The following SIK2 variants were observed in gnomAD, a reference collection of about 807,000 sequenced individuals.
The protein encoded by SIK2 is salt inducible kinase 2, also known as serine/threonine-protein kinase SIK2.
Under a neutral mutation model 103.2 loss-of-function variants are expected in SIK2, and 29 were observed. The ratio of observed to expected loss-of-function variants is 0.28; its 90% CI spans 0.21 to 0.38. The LOEUF is 0.38. Ranked by LOEUF, SIK2 falls within the 10% of genes least tolerant of loss-of-function variation. SIK2 has a pLI of 1.00. For synonymous variants in SIK2, 412 were observed against 446.1 expected, an observed-to-expected ratio of 0.92 and a Z score of 0.96; for missense variants, 879 against 1,171.0, an observed-to-expected ratio of 0.75 and a Z score of 3.64.
intron 3 of SIK2, among the ~76,000 whole-genome samples, chr11:111,667,267 A>G (rs1036976604): frequency 1.3e-5 from 2 of 151,924 alleles, no homozygotes; most frequent in Non-Finnish European, 2.9e-5. Context: ...ATTTGAGAGA[A>G]CAGGAGCATT....
intron 3 of SIK2, among the ~76,000 whole-genome samples, chr11:111,640,842 C>T (rs1211584581): frequency 5.7e-5 from 8 of 139,218 alleles, no homozygotes; most frequent in African/African-American, 2.1e-4. Flanking sequence ...TCACGCCATT[C>T]TTCTGCCTCA....
chr11:111,633,795 C>T (rs1942069467), intron 3 of SIK2, among the ~76,000 whole-genome samples: 1 of 152,148 alleles, frequency 6.6e-6, no homozygotes, highest in Non-Finnish European at 1.5e-5. Flanking sequence ...TGGTGCTCAT[C>T]TCTGAAGGAT....
rs117703824 is a variant in SIK2, at chr11:111,683,844, T to C, written c.317-4157T>C. Among the ~76,000 whole-genome samples the C allele has an allele frequency of 8.2e-3, 1,249 of 152,314 alleles. 11 individuals carry two copies. Among genetic ancestry groups the C allele is most frequent in the Middle Eastern group, 0.065 (19 of 294 alleles). On this transcript the variant is annotated intron_variant, in intron 3 of 14. Transcript: ENST00000304987. ...TAACTTGAGCTTGGATTGTGTTCCT[T>C]GAAGGGGTTGATGTATGCCTAAACA...
intron 3 of SIK2, among the ~76,000 whole-genome samples, chr11:111,658,500 T>C (rs1309571431): frequency 6.6e-6 from 1 of 152,084 alleles, no homozygotes; most frequent in African/African-American, 2.4e-5. Context: ...CCCAGCACTT[T>C]GGGAGGCCGA....
intron 3 of SIK2, among the ~76,000 whole-genome samples, chr11:111,627,609 G>A (rs1320802944): frequency 6.6e-6 from 1 of 152,058 alleles, no homozygotes; most frequent in Non-Finnish European, 1.5e-5. Context: ...AGCCCAAAAT[G>A]TTTTAAACCA....
At chr11:111,657,707 T>A (rs1455579730) in intron 3 of SIK2, among the ~76,000 whole-genome samples, 2 of 152,110 alleles carry the variant, frequency 1.3e-5, no homozygotes, top group Non-Finnish European at 2.9e-5. Context: ...AGTAATAGAT[T>A]TTTATTTCTA....
At chr11:111,663,161 T>C (rs1381767942) in intron 3 of SIK2, among the ~76,000 whole-genome samples, 1 of 149,110 alleles carries the variant, frequency 6.7e-6, no homozygotes, top group Admixed American at 6.7e-5. Context: ...CTGAGTCCGG[T>C]AGTCTAGGCT....
chr11:111,700,913 G>A lies in SIK2; in HGVS notation c.506G>A (p.Ser169Asn). 6.2e-7 allele frequency: 1 copy of A among 1,613,990 alleles called. No homozygotes were observed. The highest frequency in any genetic ancestry group is 8.5e-7 in the Non-Finnish European group (1 of 1,179,922). Residue 169 changes from serine (S) to asparagine (N), a missense_variant, in exon 5 of 15, where the codon AGT (serine) becomes AAT (asparagine). This residue lies in a region of SIK2 where 126 missense variants were observed against 245.5 expected (regional missense o/e 0.51). Coordinates refer to ENST00000304987, the MANE Select transcript of SIK2 (RefSeq NM_015191.3). ...TTCGGTTTTGGAAATTTCTTTAAAA[G>A]TGGTGAACTGCTGGCAACATGGTGT... is the stretch of plus-strand genomic sequence containing the variant. ...ADFGFGNFFK[S>N]GELLATWCGS... is the part of the protein sequence containing the mutation.
intron 3 of SIK2, chr11:111,672,146 C>T: frequency 2.3e-6 from 1 of 443,836 alleles, no homozygotes; most frequent in Non-Finnish European, 4.3e-6. Flanking sequence ...TTGGGGTCCA[C>T]TTCCAGCTTA....
At chr11:111,649,933 C>T (rs1055696134) in intron 3 of SIK2, among the ~76,000 whole-genome samples, 1 of 152,008 alleles carries the variant, frequency 6.6e-6, no homozygotes, top group Non-Finnish European at 1.5e-5. Context: ...AGAAGTTGAC[C>T]TAGGGAATAA....
At position 111,727,347 on chromosome 11, in the gene SIK2, G is replaced by A. The variant is rs1159416020; in HGVS notation, c.*3218G>A. On this transcript the variant is annotated 3_prime_UTR_variant, in exon 15 of 15. Coordinates refer to ENST00000304987, the MANE Select transcript of SIK2 (RefSeq NM_015191.3). Reference sequence around the variant, plus strand: ...ACTTTTGCCTCCTAGGAAAGAAAAAGTCAGTGGCCCTTTCTTCCTCAGATA... The same window carrying A: ...ACTTTTGCCTCCTAGGAAAGAAAAAATCAGTGGCCCTTTCTTCCTCAGATA... 1 of 459,942 alleles carries A rather than the reference G, an allele frequency of 2.2e-6. No individual in the cohort carries two copies. The highest frequency in any genetic ancestry group is 3.9e-6 in the Non-Finnish European group (1 of 256,312). The allele number at this position is 459,942 out of a possible 1,614,324, so 28.5% of individuals were successfully genotyped here. A position where few individuals can be genotyped will look rare whatever the true frequency, so the allele number is the denominator to read the frequency against.
chr11:111,666,646 G>C (rs185497929), intron 3 of SIK2, among the ~76,000 whole-genome samples: 196 of 152,096 alleles, frequency 1.3e-3, no homozygotes, highest in Admixed American at 8.3e-3. Flanking sequence ...TTTTTCTTCA[G>C]TTTTAGGAAA....
intron 3 of SIK2, among the ~76,000 whole-genome samples, chr11:111,681,716 G>A (rs1942780306): frequency 6.6e-6 from 1 of 151,872 alleles, no homozygotes; most frequent in Non-Finnish European, 1.5e-5. Context: ...AACTCTAGTT[G>A]ACAAGAAAAA....
Position 111,722,810 on chromosome 11 carries a change from A to G in SIK2, c.2147+54A>G. The G allele has an allele frequency of 1.3e-6, 2 of 1,527,304 alleles. No individual in the cohort carries two copies. The highest frequency in any genetic ancestry group is 4.5e-5 in the East Asian group (2 of 44,420). The allele number at this position is 1,527,304 out of a possible 1,614,324, so 94.6% of individuals were successfully genotyped here. A position where few individuals can be genotyped will look rare whatever the true frequency, so the allele number is the denominator to read the frequency against. ...TGCTTCCTTTTCTGGAAGCCTTGAG[A>G]ACACTGAATGTGTTGTCCTTTTCCT... On this transcript the variant is annotated intron_variant, in intron 14 of 14. Coordinates refer to ENST00000304987, the MANE Select transcript of SIK2 (RefSeq NM_015191.3). The surrounding 1 kb of genome is among the most constrained non-coding windows in gnomAD (Gnocchi z 4.4).
chr11:111,627,501 G>T (rs1379940200), intron 3 of SIK2, among the ~76,000 whole-genome samples: 3 of 152,122 alleles, frequency 2.0e-5, no homozygotes, highest in Non-Finnish European at 2.9e-5. Context: ...TACATATAAG[G>T]TTTGGTACTG....
At chr11:111,695,622 G>C (rs1181031976) in intron 4 of SIK2, among the ~76,000 whole-genome samples, 1 of 152,152 alleles carries the variant, frequency 6.6e-6, no homozygotes, top group Non-Finnish European at 1.5e-5. Context: ...AGCAGCATGA[G>C]CATCACATCA....
intron 3 of SIK2, among the ~76,000 whole-genome samples, chr11:111,649,165 CT>C (rs1454297723): frequency 6.6e-6 from 1 of 152,104 alleles, no homozygotes; most frequent in East Asian, 1.9e-4. Flanking sequence ...TAGTTTCATT[CT>C]TTTTTCTGTG....
At chr11:111,696,504 T>C (rs1591623515) in intron 4 of SIK2, among the ~76,000 whole-genome samples, 1 of 152,118 alleles carries the variant, frequency 6.6e-6, no homozygotes. Context: ...AAATGTTTTG[T>C]TTATAATAGC....
intron 3 of SIK2, among the ~76,000 whole-genome samples, chr11:111,669,021 T>C (rs1942587085): frequency 6.6e-6 from 1 of 152,162 alleles, no homozygotes; most frequent in Admixed American, 6.5e-5. Context: ...CACATCAGGG[T>C]GCCCAATACT....
Sources: gnomAD v4.1 joint callset for allele counts (sites outside exome capture counted in the v4.1 genomes callset) on GRCh38, gnomAD v4.1.1 for gene constraint, gnomAD v4.1.1 regional missense constraint, Gnocchi (gnomAD v3.1) non-coding constraint, MANE v1.5 for transcripts, NCBI Gene and HGNC (gene_info 2026-07-23, HGNC 2026-07-21) for gene names.